Variants in RTN4 observed in about 807,000 individuals in gnomAD.
The protein encoded by RTN4 is reticulon-4.
RTN4 carries 32 observed loss-of-function variants against 90.4 expected under a neutral mutation model. The observed-to-expected ratio is 0.35, with a 90% CI of 0.27 to 0.48. RTN4 has a LOEUF of 0.48. Among genes scored for constraint, RTN4 ranks in the 20% least tolerant of loss-of-function variants. The pLI is 0.99. For synonymous variants in RTN4, 629 were observed against 552.5 expected (o/e 1.14, Z -1.94); for missense variants, 1,706 against 1,430.2 (o/e 1.19, Z -3.11).
chr2:54,973,463 T>C (rs1355643585), intron 8 of RTN4, 100 bp downstream of exon 8: 7 of 950,680 alleles, frequency 7.4e-6, no homozygotes, highest in African/African-American at 4.9e-5. Context: ...TAAGGTCTGA[T>C]AGAGATTTGT....
At chr2:55,101,979 A>G (rs139148933) in intron 1 of RTN4, among the ~76,000 whole-genome samples, 2 of 151,662 alleles carry the variant, frequency 1.3e-5, no homozygotes, top group South Asian at 4.1e-4. Context: ...GTGAAATCTT[A>G]TTATTGTTTT....
chr2:54,973,899 G>T (rs1373133696), intron 6 of RTN4, 32 bp from the exon 7 acceptor site: 2 of 1,591,132 alleles, frequency 1.3e-6, no homozygotes, highest in Non-Finnish European at 8.6e-7. Flanking sequence ...TTTTCAAAAA[G>T]AACGGAATGA....
At chr2:55,093,033 T>C (rs1219339988) in intron 1 of RTN4, among the ~76,000 whole-genome samples, 1 of 152,244 alleles carries the variant, frequency 6.6e-6, no homozygotes, top group Non-Finnish European at 1.5e-5. Context: ...TGTGTGTGTG[T>C]CTATGTGTGT....
intron 1 of RTN4, among the ~76,000 whole-genome samples, chr2:55,044,785 T>TAAAAAAAAAAA (rs10639848): frequency 4.9e-4 from 32 of 65,626 alleles, no homozygotes; most frequent in Admixed American, 1.4e-3. Flanking sequence ...TGCAAATCAC[T>TAAAAAAAAAAA]AAAAAAAAAA....
chr2:54,983,867 CTG>C (rs1427759884), intron 4 of RTN4, among the ~76,000 whole-genome samples: 1 of 152,204 alleles, frequency 6.6e-6, no homozygotes, highest in Admixed American at 6.5e-5. Context: ...TGCTCCAACT[CTG>C]TAAATTTGAG....
the RTN4 span, among the ~76,000 whole-genome samples, chr2:55,131,087 GT>G: frequency 6.6e-6 from 1 of 151,402 alleles, no homozygotes; most frequent in Non-Finnish European, 1.5e-5. Context: ...GTTTTGGGGG[GT>G]TTTTTTTGAC....
chr2:55,114,824 G>A (rs1668096036), upstream of RTN4, among the ~76,000 whole-genome samples: 1 of 152,080 alleles, frequency 6.6e-6, no homozygotes, highest in Admixed American at 6.6e-5. Context: ...AATGCTCACG[G>A]GTGGCAATAG....
At chr2:55,001,925 A>G (rs965348654) in intron 3 of RTN4, among the ~76,000 whole-genome samples, 3 of 152,160 alleles carry the variant, frequency 2.0e-5, no homozygotes, top group Admixed American at 6.5e-5. Context: ...TTCATCCTCT[A>G]TGTATTCTAA....
At chr2:55,134,826 G>C in the RTN4 span, among the ~76,000 whole-genome samples, 187 of 152,300 alleles carry the variant, frequency 1.2e-3, no homozygotes, top group Non-Finnish European at 2.4e-3. Flanking sequence ...TACTTACTCA[G>C]GGTTTGCCCA....
intron 3 of RTN4, among the ~76,000 whole-genome samples, chr2:55,001,149 G>T (rs906122589): frequency 6.6e-6 from 1 of 152,092 alleles, no homozygotes; most frequent in Admixed American, 6.5e-5. Context: ...CCAGGAAACA[G>T]AAGCCAAACA....
chr2:55,040,622 G>T (rs1558842139), intron 1 of RTN4, among the ~76,000 whole-genome samples: 1 of 152,070 alleles, frequency 6.6e-6, no homozygotes, highest in Non-Finnish European at 1.5e-5. Flanking sequence ...GCAGTTCACA[G>T]ATCTGTAAAT....
intron 1 of RTN4, among the ~76,000 whole-genome samples, chr2:55,103,585 A>AG (rs1667890892): frequency 1.3e-5 from 2 of 152,032 alleles, no homozygotes; most frequent in African/African-American, 4.8e-5. Context: ...TGATGGTTTT[A>AG]TGGGTATATA....
chr2:55,060,730 G>T (rs1276806647), intron 2 of RTN4: 1 of 152,262 alleles, frequency 6.6e-6, no homozygotes, highest in African/African-American at 2.4e-5. Flanking sequence ...AGACCAGCCT[G>T]GGTAACATGG....
At chr2:55,107,962 T>C (rs1302927394) in intron 1 of RTN4, among the ~76,000 whole-genome samples, 1 of 151,984 alleles carries the variant, frequency 6.6e-6, no homozygotes, top group Non-Finnish European at 1.5e-5. Context: ...TTCGGTCCTT[T>C]TTTTTTTTGA....
rs1573289605 is a variant in RTN4, at chr2:54,982,727, A to C, written c.3222-74T>G. 3 of 1,446,106 alleles carry C rather than the reference A, an allele frequency of 2.1e-6. No individual in the cohort carries two copies. In the East Asian group the frequency reaches 7.0e-5, roughly 34 times the overall value. The allele number at this position is 1,446,106 out of a possible 1,614,324, so 89.6% of individuals were successfully genotyped here. On this transcript the variant is annotated intron_variant, in intron 4 of 8. Transcript: ENST00000337526. Reference sequence around the variant, plus strand: ...CCTAAATGTCAATCAGAAATTATATATCTGTAAGAAATTAAGAAAATATTC... The same window carrying C: ...CCTAAATGTCAATCAGAAATTATATCTCTGTAAGAAATTAAGAAAATATTC...
At chr2:55,121,274 T>TA in the RTN4 span, among the ~76,000 whole-genome samples, 1 of 152,124 alleles carries the variant, frequency 6.6e-6, no homozygotes, top group Non-Finnish European at 1.5e-5. Context: ...GTTAAACTGG[T>TA]AAAAAATCTT....
intron 1 of RTN4, among the ~76,000 whole-genome samples, chr2:55,041,884 C>T (rs945256020): frequency 2.0e-5 from 3 of 151,860 alleles, no homozygotes; most frequent in Non-Finnish European, 4.4e-5. Context: ...AATCTGACTA[C>T]ATAAAAATTT....
At chr2:55,016,939 T>C (rs374082192) in intron 3 of RTN4, among the ~76,000 whole-genome samples, 3 of 152,216 alleles carry the variant, frequency 2.0e-5, no homozygotes, top group Admixed American at 6.5e-5. Flanking sequence ...TTTAACCACA[T>C]TATATTTAGC....
chr2:55,073,119 T>C (rs1668543894), intron 2 of RTN4, among the ~76,000 whole-genome samples: 1 of 152,238 alleles, frequency 6.6e-6, no homozygotes, highest in Non-Finnish European at 1.5e-5. Flanking sequence ...AAAGTTTTAC[T>C]GTACCTACTA....
Sources: gnomAD v4.1 joint callset for allele counts (sites outside exome capture counted in the v4.1 genomes callset) on GRCh38, gnomAD v4.1.1 for gene constraint, MANE v1.5 for transcripts, NCBI Gene and HGNC (gene_info 2026-07-23, HGNC 2026-07-21) for gene names.